ZWINT: variants seen among roughly 807,000 people sequenced by gnomAD.
ZWINT encodes the protein outer kinetochore KNL1 complex subunit ZWINT.
A neutral mutation model predicts 41.5 loss-of-function variants in ZWINT; 41 were observed. That is an observed-to-expected ratio of 0.99 (90% CI 0.77 to 1.28). ZWINT has a LOEUF of 1.28. ZWINT is among the 50% of genes most tolerant of loss of function. The pLI, the probability that ZWINT is intolerant of heterozygous loss-of-function variation, is 0.00. For synonymous variants in ZWINT, 132 were observed against 126.8 expected (o/e 1.04, Z -0.28); for missense variants, 369 against 329.7 (o/e 1.12, Z -0.92).
Position 56,359,845 on chromosome 10 carries a change from C to A in ZWINT, c.265G>T (p.Ala89Ser), listed in dbSNP as rs945594977. 1 of 1,614,114 alleles carries A rather than the reference C, an allele frequency of 6.2e-7. No homozygotes were observed. The highest frequency in any genetic ancestry group is 1.7e-5 in the Admixed American group (1 of 60,030). Residue 89 changes from alanine to serine, a missense_variant, in exon 4 of 9, where the codon GCA (alanine) becomes TCA (serine). By Grantham distance (99) the Ala-to-Ser change is moderately conservative (BLOSUM62 1). Coordinates refer to ENST00000373944, the MANE Select transcript of ZWINT (RefSeq NM_007057.4). ...LASEDTSRQKAIAAKEQWKEL... is the reference protein window; with the variant it reads ...LASEDTSRQKSIAAKEQWKEL... ...TTCCATTGTTCCTTAGCTGCAATTG[C>A]CTTCTGTCCTGAGATGAGCCACCAG...
At chr10:56,360,507 G>A (rs745489381) in intron 1 of ZWINT, 124 bp from the exon 2 acceptor site, 1 of 826,376 alleles carries the variant, frequency 1.2e-6, no homozygotes, top group Non-Finnish European at 1.9e-6. Context: ...GTCTTGCCTT[G>A]ACCAGAGTTT....
intron 1 of ZWINT, 57 bp downstream of exon 1, chr10:56,361,139 G>T: frequency 6.3e-7 from 1 of 1,594,756 alleles, no homozygotes; most frequent in Non-Finnish European, 8.6e-7. Flanking sequence ...TACACATAGG[G>T]GCCCACAAGG....
In ZWINT at chr10:56,358,584, A is replaced by T; in HGVS notation, c.764T>A (p.Met255Lys). The T allele has an allele frequency of 6.2e-7, 1 of 1,614,010 alleles. No individual in the cohort carries two copies. The highest frequency in any genetic ancestry group is 1.3e-5 in the African/African-American group (1 of 74,960). ...GAAGGACACACCAGGGTCTCTCCCC[A>T]TGGTGTCTCCTGTACTCTGCTCCTG... ...RPQEQSTGDT[M>K]GRDPGVSFKA... Residue 255 changes from methionine (M) to lysine (K), a missense_variant, in exon 7 of 9, where the codon ATG becomes AAG. Coordinates refer to ENST00000373944, the MANE Select transcript of ZWINT (RefSeq NM_007057.4).
At chr10:56,360,240 G>A (rs779887507) in intron 2 of ZWINT, 53 bp downstream of exon 2, 74 of 1,610,276 alleles carry the variant, frequency 4.6e-5, no homozygotes, top group Non-Finnish European at 6.1e-5. Flanking sequence ...TCAGTAAGAG[G>A]AGCCAGGACC....
At chr10:56,358,991 G>A in intron 5 of ZWINT, 44 bp from the exon 6 acceptor site, 1 of 1,605,272 alleles carries the variant, frequency 6.2e-7, no homozygotes, top group South Asian at 1.1e-5. Context: ...AGATGTTGAA[G>A]TCTTAGAAAC....
rs753043645 is a variant in ZWINT at position 56,358,625 on chromosome 10, C to G, written c.723G>C (p.Gln241His). 1 of 1,614,068 alleles carries G rather than the reference C, an allele frequency of 6.2e-7. No homozygotes were observed. The change falls in exon 7 of 9, where the codon CAG (glutamine) becomes CAC (histidine). Residue 241 changes from glutamine to histidine, a missense_variant. Coordinates refer to ENST00000373944, the MANE Select transcript of ZWINT (RefSeq NM_007057.4). The stretch of plus-strand genomic sequence containing the variant: ...TCTGCTCCTGGGGTCGAGTCGGCTG[C>G]TGGGGTTTATCATCTGGAAGATTCT... The part of the protein sequence containing the change: ...EAENLPDDKP[Q>H]QPTRPQEQST...
Position 56,360,285 on chromosome 10 carries a change from G to T in ZWINT, c.132+8C>A. ...CTTCTGAAAGGCTCGCTCTCATCTTGTACATACCACCACAAACTCAACCAG... is the reference window on the plus strand; with the variant it reads ...CTTCTGAAAGGCTCGCTCTCATCTTTTACATACCACCACAAACTCAACCAG... On this transcript the variant is annotated splice_region_variant and intron_variant, in intron 2 of 8. Transcript: ENST00000373944. 1.2e-6 allele frequency: 2 copies of T among 1,614,046 alleles called. No homozygotes were observed. The highest frequency in any genetic ancestry group is 8.5e-7 in the Non-Finnish European group (1 of 1,179,972).
In ZWINT at chr10:56,358,459, C is replaced by T. The variant is rs1377174994; in HGVS notation, c.793G>A (p.Ala265Thr). 3.7e-6 allele frequency: 6 copies of T among 1,613,924 alleles called. No homozygotes were observed. In the South Asian group the frequency reaches 5.5e-5, roughly 15 times the overall value. ...TCTCCAGCAGGTTGTAGACCAACAG[C>T]CTTGGAGAAATACAGTATAGACAGT... ...MGRDPGVSFK[A>T]VGLQPAGDVN... is the part of the protein sequence containing the mutation. The change falls in exon 8 of 9, where the codon GCT (alanine) becomes ACT (threonine). Residue 265 changes from alanine (A) to threonine (T), a missense_variant and splice_region_variant. By Grantham distance (58) the Ala-to-Thr change is moderately conservative (BLOSUM62 0). Coordinates refer to ENST00000373944, the MANE Select transcript of ZWINT (RefSeq NM_007057.4).
rs371662993 is a variant in ZWINT, at chr10:56,357,413, T to A, written c.*814A>T. On this transcript the variant is annotated 3_prime_UTR_variant, in exon 9 of 9. Coordinates refer to ENST00000373944, the MANE Select transcript of ZWINT (RefSeq NM_007057.4). ...ATAGGAAATGCTATGAATTGAATGATTGTGAAAATAAAGGAAGTCAGAAGA... is the reference window on the plus strand; with the variant it reads ...ATAGGAAATGCTATGAATTGAATGAATGTGAAAATAAAGGAAGTCAGAAGA... The A allele has an allele frequency of 6.6e-6, 1 of 152,288 alleles. No homozygotes were observed. Among genetic ancestry groups the A allele is most frequent in the East Asian group, 1.9e-4 (1 of 5,182 alleles). 9.4% of individuals were successfully genotyped at this position (152,288 alleles called of 1,614,324 possible).
chr10:56,360,492 T>C, intron 1 of ZWINT, 109 bp from the exon 2 acceptor site: 1 of 911,572 alleles, frequency 1.1e-6, no homozygotes, highest in Non-Finnish European at 1.7e-6. Flanking sequence ...TATATAGTAT[T>C]GAGAGTCTTG....
rs1251629301 is a variant in ZWINT, at chr10:56,357,830, C to T, written c.*397G>A. On this transcript the variant is annotated 3_prime_UTR_variant, in exon 9 of 9. Transcript: ENST00000373944. ...AAAGGACTCAACAAACATTTGGATCCATGAATAAAATTATCTTCCCACATA... is the reference window on the plus strand; with the variant it reads ...AAAGGACTCAACAAACATTTGGATCTATGAATAAAATTATCTTCCCACATA... The T allele has an allele frequency of 2.9e-6, 1 of 347,942 alleles. No individual in the cohort carries two copies. The highest frequency in any genetic ancestry group is 5.6e-6 in the Non-Finnish European group (1 of 177,348). The allele number at this position is 347,942 out of a possible 1,614,324, so 21.6% of individuals were successfully genotyped here.
chr10:56,360,452 C>A, intron 1 of ZWINT, 69 bp from the exon 2 acceptor site: 1 of 1,334,902 alleles, frequency 7.5e-7, no homozygotes, highest in Non-Finnish European at 1.1e-6. Flanking sequence ...CGTGTGTGTA[C>A]ACAAACAAAT....
At position 56,358,130 on chromosome 10, in the gene ZWINT, C is replaced by G. The variant is rs756000636; in HGVS notation, c.*97G>C. On this transcript the variant is annotated 3_prime_UTR_variant, in exon 9 of 9. Transcript: ENST00000373944. The stretch of plus-strand genomic sequence containing the variant: ...ATGTAGTCAGAAATCAAGCTGAACT[C>G]AGGAGTTCACAGTCTTTCCTGTAAT... 5 of 691,564 alleles carry G rather than the reference C, an allele frequency of 7.2e-6. No individual in the cohort carries two copies. Among genetic ancestry groups the G allele is most frequent in the Non-Finnish European group, 1.4e-5 (5 of 362,010 alleles). The allele number at this position is 691,564 out of a possible 1,614,324, so 42.8% of individuals were successfully genotyped here. A position where few individuals can be genotyped will look rare whatever the true frequency, so the allele number is the denominator to read the frequency against.
Position 56,360,045 on chromosome 10 carries a change from C to G in ZWINT, c.229G>C (p.Asp77His). 1.2e-6 allele frequency: 2 copies of G among 1,614,050 alleles called. No individual in the cohort carries two copies. Among genetic ancestry groups the G allele is most frequent in the Non-Finnish European group, 8.5e-7 (1 of 1,180,016 alleles). Reference sequence around the variant, plus strand: ...CTCGTGTCTTCAGAAGCCAAGGGGTCGAGACCCTTAGCAGTGTCCTCCTGA... The same window carrying G: ...CTCGTGTCTTCAGAAGCCAAGGGGTGGAGACCCTTAGCAGTGTCCTCCTGA... ...LAQEDTAKGL[D>H]PLASEDTSRQ... The change falls in exon 3 of 9, where the codon GAC (aspartate) becomes CAC (histidine). Residue 77 changes from aspartate to histidine, a missense_variant. Physicochemically the swap from Asp to His is moderately conservative, Grantham distance 81. Transcript: ENST00000373944.
Position 56,358,652 on chromosome 10 carries a change from T to A in ZWINT, c.696A>T (p.Ala232=). ...GGGGTTTATCATCTGGAAGATTCTCTGCCTCAGCCTCAGCCTCAGGGAACA... is the reference window on the plus strand; with the variant it reads ...GGGGTTTATCATCTGGAAGATTCTCAGCCTCAGCCTCAGCCTCAGGGAACA... ...KLLFPEAEAE[A]ENLPDDKPQQ... is the part of the protein sequence containing the mutation. The change falls in exon 7 of 9, where the codon GCA becomes GCT. Residue 232 remains alanine (A), a synonymous_variant. Transcript: ENST00000373944. 1 of 1,614,080 alleles carries A rather than the reference T, an allele frequency of 6.2e-7. No homozygotes were observed. Among genetic ancestry groups the A allele is most frequent in the Non-Finnish European group, 8.5e-7 (1 of 1,180,038 alleles).
rs750129776 is a variant in ZWINT at position 56,360,153 on chromosome 10, G to A, written c.133-12C>T. 2 of 1,613,714 alleles carry A rather than the reference G, an allele frequency of 1.2e-6. No individual in the cohort carries two copies. Among genetic ancestry groups the A allele is most frequent in the South Asian group, 2.2e-5 (2 of 91,074 alleles). The stretch of plus-strand genomic sequence containing the variant: ...TTCTTCTGAGAGTCCTGCTCAGAGG[G>A]AGGGCAGAGACAGGGAACATCCTTA... On this transcript the variant is annotated splice_polypyrimidine_tract_variant and intron_variant, in intron 2 of 8. Coordinates refer to ENST00000373944, the MANE Select transcript of ZWINT (RefSeq NM_007057.4).
At chr10:56,359,089 G>A in intron 5 of ZWINT, 142 bp from the exon 6 acceptor site, 2 of 1,054,406 alleles carry the variant, frequency 1.9e-6, no homozygotes, top group Non-Finnish European at 1.3e-6. Flanking sequence ...GGTGGAGTAG[G>A]GGCCTAGAGA....
chr10:56,359,355 T>G, intron 5 of ZWINT, 121 bp downstream of exon 5: 6 of 867,154 alleles, frequency 6.9e-6, no homozygotes, highest in Non-Finnish European at 1.0e-5. Flanking sequence ...TTCAAGCCCA[T>G]GTTGGTATTT....
chr10:56,359,063 A>C, intron 5 of ZWINT, 116 bp from the exon 6 acceptor site: 9 of 1,243,150 alleles, frequency 7.2e-6, no homozygotes, highest in Non-Finnish European at 1.0e-5. Flanking sequence ...GAAAAGAGGG[A>C]CTCTATTCAC....
Sources: gnomAD v4.1 joint callset for allele counts on GRCh38, gnomAD v4.1.1 for gene constraint, MANE v1.5 for transcripts, NCBI Gene and HGNC (gene_info 2026-07-23, HGNC 2026-07-21) for gene names.